The following MAP6D1 variants were observed in gnomAD, a reference collection of about 807,000 sequenced individuals.
MAP6D1 encodes MAP6 domain-containing protein 1.
MAP6D1 carries 13 observed loss-of-function variants against 17.4 expected under a neutral mutation model. The observed-to-expected ratio is 0.75, with a 90% CI of 0.49 to 1.19. The LOEUF (loss-of-function observed/expected upper bound fraction) is 1.19, where lower values mean the gene tolerates loss of function less well. MAP6D1 is among the 50% of genes most tolerant of loss of function. The probability of loss-of-function intolerance (pLI) is 0.00; values close to 1 mark genes in which losing one functional copy is unlikely to be tolerated. For synonymous variants in MAP6D1, 141 were observed against 145.7 expected (o/e 0.97, Z 0.23); for missense variants, 313 against 312.6 (o/e 1.00, Z -0.01).
At chr3:183,820,681 C>T (rs1463728080) in intron 1 of MAP6D1, among the ~76,000 whole-genome samples, 3 of 151,400 alleles carry the variant, frequency 2.0e-5, no homozygotes, top group African/African-American at 7.3e-5. Context: ...GGGCGGATCA[C>T]GAGATCAGGA....
At chr3:183,818,751 A>G (rs980769730) in intron 1 of MAP6D1, among the ~76,000 whole-genome samples, 4 of 152,218 alleles carry the variant, frequency 2.6e-5, no homozygotes, top group Admixed American at 1.3e-4. Context: ...GACCATCTCA[A>G]AAGACTCCAA....
chr3:183,823,927 C>T (rs1002108477), intron 1 of MAP6D1, among the ~76,000 whole-genome samples: 3 of 152,264 alleles, frequency 2.0e-5, no homozygotes, highest in South Asian at 2.1e-4. Context: ...GGTACCATCT[C>T]CTCAGACATC....
Position 183,818,073 on chromosome 3 carries a change from C to T in MAP6D1, c.440G>A (p.Arg147Lys). 1 of 1,614,152 alleles carries T rather than the reference C, an allele frequency of 6.2e-7. No individual in the cohort carries two copies. Among genetic ancestry groups the T allele is most frequent in the African/African-American group, 1.3e-5 (1 of 75,038 alleles). ...TCGGGCTGGTTTTGTCTTTGTGGAT[C>T]TTGAGGGCTTCACTCCAGTCCAAGC... ...FQAWTGVKPS[R>K]STKTKPARVI... Residue 147 changes from arginine to lysine, a missense_variant, in exon 2 of 3, where the codon AGA (arginine) becomes AAA (lysine). Coordinates refer to ENST00000318631, the MANE Select transcript of MAP6D1 (RefSeq NM_024871.4).
At chr3:183,824,418 T>C (rs1727324359) in intron 1 of MAP6D1, among the ~76,000 whole-genome samples, 1 of 152,204 alleles carries the variant, frequency 6.6e-6, no homozygotes, top group African/African-American at 2.4e-5. Flanking sequence ...GTGAAAAAAG[T>C]GTACAGTAAG....
chr3:183,822,556 A>T lies in MAP6D1; in HGVS notation c.401+2591T>A, dbSNP rs551996389. 7.9e-5 allele frequency among the ~76,000 whole-genome samples: 12 copies of T among 152,320 alleles called. No individual in the cohort carries two copies. In the South Asian group the frequency reaches 2.5e-3, roughly 32 times the overall value. On this transcript the variant is annotated intron_variant, in intron 1 of 2. Transcript: ENST00000318631. Reference sequence around the variant, plus strand: ...TGGATGACTTTTGACAAATGTAACCACTTGGGTACCACCACCATTATCAAG... The same window carrying T: ...TGGATGACTTTTGACAAATGTAACCTCTTGGGTACCACCACCATTATCAAG...
In MAP6D1 at chr3:183,825,336, C is replaced by T. The variant is rs1310455905; in HGVS notation, c.212G>A (p.Arg71Gln). ...GGGCGTGGTCCACAAGCCGAAGTCC[C>T]GCTGGTACTGAGTGAGCGGCACGTC... is the stretch of plus-strand genomic sequence containing the variant. The part of the protein sequence containing the change: ...GRDVPLTQYQ[R>Q]DFGLWTTPAG... The change falls in exon 1 of 3, where the codon CGG becomes CAG. Residue 71 changes from arginine (R) to glutamine (Q), a missense_variant. By Grantham distance (43) the Arg-to-Gln change is conservative. Transcript: ENST00000318631. 7.0e-7 allele frequency: 1 copy of T among 1,424,102 alleles called. No individual in the cohort carries two copies. The allele number at this position is 1,424,102 out of a possible 1,614,324, so 88.2% of individuals were successfully genotyped here.
rs551404235 is a variant in MAP6D1, at chr3:183,825,396, C to A, written c.152G>T (p.Gly51Val). The change falls in exon 1 of 3, where the codon GGC becomes GTC. Residue 51 changes from glycine to valine, a missense_variant. Coordinates refer to ENST00000318631, the MANE Select transcript of MAP6D1 (RefSeq NM_024871.4). Reference protein sequence around the residue: ...PGTGGAASRRGQPPAGARDSG... With the variant: ...PGTGGAASRRVQPPAGARDSG... Reference sequence around the variant, plus strand: ...ATCCCGGGCGCCCGCGGGAGGCTGGCCCCTGCGCGAGGCGGCGCCGCCCGT... The same window carrying A: ...ATCCCGGGCGCCCGCGGGAGGCTGGACCCTGCGCGAGGCGGCGCCGCCCGT... The A allele has an allele frequency of 1.6e-5, 23 of 1,447,006 alleles. No homozygotes were observed. The South Asian group carries it at 2.5e-4, about 15-fold the overall frequency. 89.6% of individuals were successfully genotyped at this position (1,447,006 alleles called of 1,614,324 possible). A position where few individuals can be genotyped will look rare whatever the true frequency, so the allele number is the denominator to read the frequency against.
At chr3:183,822,245 ACACACACACACAC>A (rs1295281766) in intron 1 of MAP6D1, among the ~76,000 whole-genome samples, 2 of 1,234 alleles carry the variant, frequency 1.6e-3, no homozygotes, top group Non-Finnish European at 4.4e-3. Context: ...TCTAAAACAC[ACACACACACACAC>A]ACACACACAC....
intron 1 of MAP6D1, 32 bp downstream of exon 1, chr3:183,825,115 G>A: frequency 7.3e-7 from 1 of 1,362,952 alleles, no homozygotes; most frequent in Non-Finnish European, 9.5e-7. Context: ...CCACAGGGTG[G>A]GGACTCGTTG....
Position 183,825,293 on chromosome 3 carries a change from C to T in MAP6D1, c.255G>A (p.Pro85=), listed in dbSNP as rs935856867. Residue 85 remains proline (P), a synonymous_variant, in exon 1 of 3, where the codon CCG becomes CCA. Transcript: ENST00000318631. ...CCGCCCCCGGTCCGCGCCCCGGCGG[C>T]GGATCCTTGGGCCCGGCGGGCGTGG... ...LWTTPAGPKD[P]PPGRGPGAGG... 1.5e-6 allele frequency: 2 copies of T among 1,335,856 alleles called. No homozygotes were observed. 82.8% of individuals were successfully genotyped at this position (1,335,856 alleles called of 1,614,324 possible). A position where few individuals can be genotyped will look rare whatever the true frequency, so the allele number is the denominator to read the frequency against.
At chr3:183,822,240 A>AACACACACACACACAC (rs60341893) in intron 1 of MAP6D1, among the ~76,000 whole-genome samples, 1 of 138,588 alleles carries the variant, frequency 7.2e-6, no homozygotes, top group Admixed American at 7.2e-5. Context: ...CCATCTCTAA[A>AACACACACACACACAC]ACACACACAC....
chr3:183,821,633 C>T (rs7641545), intron 1 of MAP6D1, among the ~76,000 whole-genome samples: 1,714 of 150,976 alleles, frequency 0.011, 32 homozygotes, highest in African/African-American at 0.038. Flanking sequence ...GCGTCCTCCA[C>T]CTCCTGGGTT....
chr3:183,822,692 C>G (rs777076818), intron 1 of MAP6D1, among the ~76,000 whole-genome samples: 11 of 152,196 alleles, frequency 7.2e-5, no homozygotes, highest in African/African-American at 2.2e-4. Context: ...TTCACTGACA[C>G]GTCCTCAAGC....
chr3:183,821,704 C>G (rs547024630), intron 1 of MAP6D1, among the ~76,000 whole-genome samples: 1 of 152,126 alleles, frequency 6.6e-6, no homozygotes, highest in East Asian at 1.9e-4. Context: ...TGCCATCACG[C>G]CCAGCTAATT....
chr3:183,825,553 C>A lies in MAP6D1; in HGVS notation c.-6G>T. 8.2e-7 allele frequency: 1 copy of A among 1,213,034 alleles called. No homozygotes were observed. The highest frequency in any genetic ancestry group is 1.0e-6 in the Non-Finnish European group (1 of 977,514). The allele number at this position is 1,213,034 out of a possible 1,614,324, so 75.1% of individuals were successfully genotyped here. A position where few individuals can be genotyped will look rare whatever the true frequency, so the allele number is the denominator to read the frequency against. ...CTGATACAGGGCCACGCCATGCCAG[C>A]CCCGGCGCCCGCCGCCCCGCTCCCG... On this transcript the variant is annotated 5_prime_UTR_variant, in exon 1 of 3. Transcript: ENST00000318631.
At chr3:183,819,704 G>A (rs749550586) in intron 1 of MAP6D1, among the ~76,000 whole-genome samples, 6 of 152,184 alleles carry the variant, frequency 3.9e-5, no homozygotes, top group Admixed American at 6.5e-5. Context: ...CATCAGCCCC[G>A]GACAGAGGAT....
chr3:183,817,732 C>T (rs1035544213), intron 2 of MAP6D1, among the ~76,000 whole-genome samples: 2 of 152,152 alleles, frequency 1.3e-5, no homozygotes, highest in African/African-American at 4.8e-5. Flanking sequence ...GTACTCAGGC[C>T]AGTCACTAGC....
chr3:183,819,923 A>G (rs1257330196), intron 1 of MAP6D1, among the ~76,000 whole-genome samples: 3 of 152,226 alleles, frequency 2.0e-5, no homozygotes, highest in Non-Finnish European at 4.4e-5. Flanking sequence ...GAAGGAGGGA[A>G]GCAACCAGGG....
rs114532244 is a variant in MAP6D1, at chr3:183,825,221, C to A, written c.327G>T (p.Ala109=). The A allele has an allele frequency of 2.9e-3, 4,101 of 1,428,028 alleles. 37 individuals are homozygous for A. Among genetic ancestry groups the A allele is most frequent in the African/African-American group, 0.028 (1,872 of 67,076 alleles). The allele number at this position is 1,428,028 out of a possible 1,614,324, so 88.5% of individuals were successfully genotyped here. ...GCACGTAGACCCCGCGGGCGCCGGG[C>A]GCAGGTGGCGCGGAGGACTGCGCGG... is the stretch of plus-strand genomic sequence containing the variant. The part of the protein sequence containing the change: ...KSSAQSSAPP[A]PGARGVYVLP... The change falls in exon 1 of 3, where the codon GCG becomes GCT. Residue 109 remains alanine (A), a synonymous_variant. Coordinates refer to ENST00000318631, the MANE Select transcript of MAP6D1 (RefSeq NM_024871.4).
Sources: gnomAD v4.1 joint callset for allele counts (sites outside exome capture counted in the v4.1 genomes callset) on GRCh38, gnomAD v4.1.1 for gene constraint, MANE v1.5 for transcripts, NCBI Gene and HGNC (gene_info 2026-07-23, HGNC 2026-07-21) for gene names.